EPB41L1: variants seen among roughly 807,000 people sequenced by gnomAD.
The protein encoded by EPB41L1 is erythrocyte membrane protein band 4.1 like 1.
In EPB41L1, 29 loss-of-function variants were observed where a neutral mutation model predicts 97.8. The ratio of observed to expected loss-of-function variants is 0.30; its 90% CI spans 0.22 to 0.40. The LOEUF is 0.40. Ranked by LOEUF, EPB41L1 falls within the 10% of genes least tolerant of loss-of-function variation. EPB41L1 has a pLI of 1.00. For synonymous variants in EPB41L1, 383 were observed against 459.2 expected, an observed-to-expected ratio of 0.83 and a Z score of 2.12; for missense variants, 812 against 1,162.3, an observed-to-expected ratio of 0.70 and a Z score of 4.38.
intron 21 of EPB41L1, among the ~76,000 whole-genome samples, chr20:36,224,821 GA>G (rs201529310): frequency 6.6e-6 from 1 of 151,812 alleles, no homozygotes; most frequent in Non-Finnish European, 1.5e-5. Context: ...TATTATCTAG[GA>G]AAAAAATTTT....
In EPB41L1 at chr20:36,207,905, T is replaced by A. The variant is rs1446969894; in HGVS notation, c.1669-1583T>A. On this transcript the variant is annotated intron_variant, in intron 14 of 21. Transcript: ENST00000338074. The surrounding 1 kb of genome is among the most constrained non-coding windows in gnomAD (Gnocchi z 4.9). The stretch of plus-strand genomic sequence containing the variant: ...CGTCATTTCTGCAATCAGAGGCTGC[T>A]TATCCATCCCTGTGAGTTTTTTCCC... 3 of 1,072,614 alleles carry A rather than the reference T, an allele frequency of 2.8e-6. No homozygotes were observed. The highest frequency in any genetic ancestry group is 3.6e-6 in the Non-Finnish European group (3 of 831,248). The allele number at this position is 1,072,614 out of a possible 1,614,324, so 66.4% of individuals were successfully genotyped here. A position where few individuals can be genotyped will look rare whatever the true frequency, so the allele number is the denominator to read the frequency against.
intron 1 of EPB41L1, among the ~76,000 whole-genome samples, chr20:36,094,510 A>G (rs1453747511): frequency 6.6e-6 from 1 of 152,128 alleles, no homozygotes; most frequent in Admixed American, 6.5e-5. Flanking sequence ...AAGTGCAAGA[A>G]TTCTTCCATT....
At chr20:36,098,986 T>C (rs2057922298) in intron 1 of EPB41L1, among the ~76,000 whole-genome samples, 1 of 152,110 alleles carries the variant, frequency 6.6e-6, no homozygotes, top group Non-Finnish European at 1.5e-5. Context: ...CTGGCCAACA[T>C]GGTGAAACGC....
chr20:36,208,453 C>A, intron 14 of EPB41L1: 1 of 345,598 alleles, frequency 2.9e-6, no homozygotes, highest in Non-Finnish European at 5.8e-6. Flanking sequence ...TCACCTTCAC[C>A]CGGCCAGGAT....
intron 2 of EPB41L1, 106 bp from the exon 3 acceptor site, chr20:36,175,445 C>T (rs1168999440): frequency 8.7e-6 from 12 of 1,371,600 alleles, no homozygotes; most frequent in Non-Finnish European, 1.2e-5. Context: ...GACTTTCATT[C>T]TGGGGTCTGT....
upstream of EPB41L1, chr20:36,151,497 G>T (rs2060046762): frequency 6.6e-6 from 1 of 152,228 alleles, no homozygotes; most frequent in Non-Finnish European, 1.5e-5. Flanking sequence ...AGGAACTGAG[G>T]AACCCCTTTT....
chr20:36,174,629 T>C (rs2061148111), intron 2 of EPB41L1, among the ~76,000 whole-genome samples: 1 of 150,756 alleles, frequency 6.6e-6, no homozygotes, highest in Admixed American at 6.6e-5. Flanking sequence ...CTGCCTAGAC[T>C]GGTCTCAAAC....
chr20:36,206,432 T>G lies in EPB41L1; in HGVS notation c.1669-3056T>G. On this transcript the variant is annotated intron_variant, in intron 14 of 21. Transcript: ENST00000338074. This position sits in a 1 kb window ranked among gnomAD's most constrained non-coding sequence, Gnocchi z 5.5. ...GCCCACGCAGAAGCCAGAGCTGAGT[T>G]GAGCAATGAAACTGATACTTCCTTT... 7.8e-7 allele frequency: 1 copy of G among 1,290,000 alleles called. No homozygotes were observed. The highest frequency in any genetic ancestry group is 1.0e-6 in the Non-Finnish European group (1 of 988,916). The allele number at this position is 1,290,000 out of a possible 1,614,324, so 79.9% of individuals were successfully genotyped here.
At chr20:36,189,696 C>A (rs1010635563) in intron 9 of EPB41L1, among the ~76,000 whole-genome samples, 1 of 152,222 alleles carries the variant, frequency 6.6e-6, no homozygotes, top group Non-Finnish European at 1.5e-5. Context: ...ACACATCTCC[C>A]TTCATTCCCC....
At chr20:36,126,613 G>A (rs911498428) in intron 2 of EPB41L1, among the ~76,000 whole-genome samples, 1 of 152,120 alleles carries the variant, frequency 6.6e-6, no homozygotes, top group African/African-American at 2.4e-5. Context: ...TGATCCGCCC[G>A]CCTCGGCCTC....
intron 7 of EPB41L1, 148 bp downstream of exon 7, chr20:36,185,483 C>G (rs1251088511): frequency 1.3e-6 from 1 of 777,404 alleles, no homozygotes; most frequent in African/African-American, 1.7e-5. Flanking sequence ...AAGAGCAAAT[C>G]ATCTCTGTAA....
At chr20:36,224,841 A>C (rs2064013053) in intron 21 of EPB41L1, among the ~76,000 whole-genome samples, 1 of 151,678 alleles carries the variant, frequency 6.6e-6, no homozygotes. Flanking sequence ...TTTTTTTTTG[A>C]GACGGAGTCT....
chr20:36,203,630 GA>G, intron 14 of EPB41L1, among the ~76,000 whole-genome samples: 1 of 152,316 alleles, frequency 6.6e-6, no homozygotes, highest in East Asian at 1.9e-4. Flanking sequence ...GCTTCTCAAG[GA>G]AATGAGCAAA....
chr20:36,107,302 C>T (rs2058223731), intron 1 of EPB41L1, among the ~76,000 whole-genome samples: 1 of 149,492 alleles, frequency 6.7e-6, no homozygotes, highest in Non-Finnish European at 1.5e-5. Flanking sequence ...CTCACTGCAA[C>T]CTCCGTCTCC....
In EPB41L1 at chr20:36,093,685, G is replaced by T. The variant is rs1197141951; in HGVS notation, c.-65+2073G>T. On this transcript the variant is annotated intron_variant, in intron 1 of 19. Transcript: ENST00000202028. The surrounding 1 kb of genome is among the most constrained non-coding windows in gnomAD (Gnocchi z 5.4). ...GCTTGAAGCCCGTGTGCGTGCGTGC[G>T]TGCGTGTGTGTGTGTGTGTATGTGT... Among the ~76,000 whole-genome samples the T allele has an allele frequency of 6.8e-6, 1 of 147,294 alleles. No individual in the cohort carries two copies. Among genetic ancestry groups the T allele is most frequent in the East Asian group, 2.0e-4 (1 of 4,968 alleles).
In EPB41L1 at chr20:36,206,433, G is replaced by A. The variant is rs901849330; in HGVS notation, c.1669-3055G>A. 2.3e-6 allele frequency: 3 copies of A among 1,290,038 alleles called. No homozygotes were observed. In the South Asian group the frequency reaches 3.7e-5, roughly 16 times the overall value. 79.9% of individuals were successfully genotyped at this position (1,290,038 alleles called of 1,614,324 possible). A position where few individuals can be genotyped will look rare whatever the true frequency, so the allele number is the denominator to read the frequency against. On this transcript the variant is annotated intron_variant, in intron 14 of 21. Transcript: ENST00000338074. The surrounding 1 kb of genome is among the most constrained non-coding windows in gnomAD (Gnocchi z 5.5). ...CCCACGCAGAAGCCAGAGCTGAGTT[G>A]AGCAATGAAACTGATACTTCCTTTG... is the stretch of plus-strand genomic sequence containing the variant.
At chr20:36,149,306 A>G (rs1164613878) in intron 2 of EPB41L1, among the ~76,000 whole-genome samples, 2 of 152,200 alleles carry the variant, frequency 1.3e-5, no homozygotes, top group Non-Finnish European at 2.9e-5. Context: ...TACACTAGAT[A>G]CGTATGGAAA....
rs144598363 is a variant in EPB41L1 at position 36,214,419 on chromosome 20, G to A, written c.2247G>A (p.Thr749=). 32 of 1,613,362 alleles carry A rather than the reference G, an allele frequency of 2.0e-5. No homozygotes were observed. The highest frequency in any genetic ancestry group is 2.7e-5 in the African/African-American group (2 of 74,938). Residue 749 remains threonine (T), a synonymous_variant, in exon 17 of 22, where the codon ACG becomes ACA. Coordinates refer to ENST00000338074, the MANE Select transcript of EPB41L1 (RefSeq NM_012156.2). ...TAGCAACCACTCCCTCCATCACCAC[G>A]GAGACCATATCGACCACCATGGTAA... The part of the protein sequence containing the change: ...EFIATTPSIT[T]ETISTTMENS...
chr20:36,124,399 C>G (rs530168992), intron 2 of EPB41L1, among the ~76,000 whole-genome samples: 9 of 152,344 alleles, frequency 5.9e-5, no homozygotes, highest in South Asian at 2.1e-4. Context: ...CCTGCCTCCC[C>G]CTTCCAGCCA....
Sources: allele counts gnomAD v4.1 joint callset (sites outside exome capture counted in the v4.1 genomes callset), GRCh38; gene constraint gnomAD v4.1.1; non-coding constraint Gnocchi (gnomAD v3.1); transcripts MANE v1.5; gene names NCBI Gene and HGNC (gene_info 2026-07-23, HGNC 2026-07-21).